The following PGBD2 variants were observed in gnomAD, a reference collection of about 807,000 sequenced individuals.
The protein encoded by PGBD2 is piggyBac transposable element-derived protein 2.
A neutral mutation model predicts 8.1 loss-of-function variants in PGBD2; 6 were observed. The ratio of observed to expected loss-of-function variants is 0.74; its 90% CI spans 0.40 to 1.46. The LOEUF is 1.46. PGBD2 is among the 40% of genes most tolerant of loss of function. The pLI, the probability that PGBD2 is intolerant of heterozygous loss-of-function variation, is 0.02. For missense variants in PGBD2, 802 were observed against 739.0 expected, an observed-to-expected ratio of 1.09 and a Z score of -0.99; for synonymous variants, 318 against 272.2, an observed-to-expected ratio of 1.17 and a Z score of -1.66.
chr1:248,914,644 A>G, intron 2 of PGBD2: 2 of 1,256,886 alleles, frequency 1.6e-6, no homozygotes, highest in Non-Finnish European at 2.1e-6. Context: ...GGGCCTGCAA[A>G]GGGGCACAGG....
the PGBD2 span, among the ~76,000 whole-genome samples, chr1:248,874,748 C>G: frequency 1.3e-5 from 2 of 152,106 alleles, no homozygotes; most frequent in South Asian, 2.1e-4. Context: ...CTCCCTCACC[C>G]CAGCATCTAT....
intron 1 of PGBD2, among the ~76,000 whole-genome samples, chr1:248,909,952 T>A (rs1025968977): frequency 6.6e-6 from 1 of 152,188 alleles, no homozygotes; most frequent in Non-Finnish European, 1.5e-5. Context: ...AAGTTCTTGG[T>A]AGGCTGTGAA....
At chr1:248,880,595 T>C in the PGBD2 span, among the ~76,000 whole-genome samples, 2 of 152,250 alleles carry the variant, frequency 1.3e-5, no homozygotes, top group Non-Finnish European at 2.9e-5. Context: ...TAATGTAGTC[T>C]TTGAGTGTTT....
intron 2 of PGBD2, among the ~76,000 whole-genome samples, chr1:248,914,149 C>T (rs1352334755): frequency 6.6e-6 from 1 of 152,180 alleles, no homozygotes; most frequent in African/African-American, 2.4e-5. Flanking sequence ...AAGATAAAGA[C>T]ACCAGATGGT....
chr1:248,874,976 G>C, the PGBD2 span, among the ~76,000 whole-genome samples: 1 of 149,008 alleles, frequency 6.7e-6, no homozygotes, highest in Non-Finnish European at 1.5e-5. Flanking sequence ...ATAGAGATAG[G>C]TATACCTTCC....
chr1:248,906,761 G>A (rs1661655111), intron 1 of PGBD2, among the ~76,000 whole-genome samples: 1 of 152,060 alleles, frequency 6.6e-6, no homozygotes, highest in Non-Finnish European at 1.5e-5. Context: ...CTGTGCCGGG[G>A]CGCGCTGGGG....
At chr1:248,902,952 G>A (rs1040188221), upstream of PGBD2, among the ~76,000 whole-genome samples, 3 of 150,188 alleles carry the variant, frequency 2.0e-5, no homozygotes, top group Non-Finnish European at 4.4e-5. Flanking sequence ...AGCAAAATCA[G>A]CATGGCACAT....
chr1:248,896,237 C>T, the PGBD2 span, among the ~76,000 whole-genome samples: 7 of 152,040 alleles, frequency 4.6e-5, no homozygotes, highest in Non-Finnish European at 1.0e-4. Context: ...GGTTCTCAGG[C>T]CGTTGACTCA....
chr1:248,923,360 T>G (rs923942998), downstream of PGBD2, among the ~76,000 whole-genome samples: 19 of 152,220 alleles, frequency 1.2e-4, no homozygotes, highest in African/African-American at 3.9e-4. Flanking sequence ...TCTTCTTTAT[T>G]AGTCTGGCTA....
intron 1 of PGBD2, among the ~76,000 whole-genome samples, chr1:248,908,523 C>T (rs1044019500): frequency 5.3e-5 from 8 of 152,174 alleles, no homozygotes; most frequent in African/African-American, 1.9e-4. Flanking sequence ...TTTAAGTCCT[C>T]CTTAAGTGTG....
chr1:248,875,015 T>A, the PGBD2 span, among the ~76,000 whole-genome samples: 1 of 152,004 alleles, frequency 6.6e-6, no homozygotes, highest in African/African-American at 2.4e-5. Flanking sequence ...GAGATCTGTA[T>A]GGCCTGGCGC....
intron 2 of PGBD2, among the ~76,000 whole-genome samples, chr1:248,914,128 C>T (rs1387656008): frequency 6.6e-6 from 1 of 152,192 alleles, no homozygotes; most frequent in Non-Finnish European, 1.5e-5. Flanking sequence ...ACTTCACTTT[C>T]CTCATCTTTC....
the PGBD2 span, among the ~76,000 whole-genome samples, chr1:248,886,229 C>T: frequency 2.6e-5 from 4 of 151,334 alleles, no homozygotes; most frequent in African/African-American, 9.7e-5. Flanking sequence ...ACCATAAAGA[C>T]AAAAAAATAA....
At chr1:248,889,279 G>T in the PGBD2 span, among the ~76,000 whole-genome samples, 2 of 152,236 alleles carry the variant, frequency 1.3e-5, no homozygotes, top group South Asian at 2.1e-4. Context: ...TAGCTACTCA[G>T]GAGGCTGAGG....
At chr1:248,876,617 G>A in the PGBD2 span, among the ~76,000 whole-genome samples, 1 of 152,210 alleles carries the variant, frequency 6.6e-6, no homozygotes, top group African/African-American at 2.4e-5. Context: ...AGCTGACCAT[G>A]TAACCTTATT....
At chr1:248,890,847 A>G in the PGBD2 span, among the ~76,000 whole-genome samples, 3 of 149,612 alleles carry the variant, frequency 2.0e-5, no homozygotes, top group Non-Finnish European at 4.5e-5. Flanking sequence ...CACACACCAC[A>G]CACCTCCCCA....
the PGBD2 span, among the ~76,000 whole-genome samples, chr1:248,874,237 G>T: frequency 6.6e-6 from 1 of 152,054 alleles, no homozygotes; most frequent in Non-Finnish European, 1.5e-5. Flanking sequence ...GCTAAATGAC[G>T]CATCATGTCT....
intron 1 of PGBD2, among the ~76,000 whole-genome samples, chr1:248,907,659 G>A (rs1009599701): frequency 1.3e-5 from 2 of 152,176 alleles, no homozygotes; most frequent in Non-Finnish European, 2.9e-5. Flanking sequence ...CTTTTACCAA[G>A]CATACTGCTT....
the PGBD2 span, among the ~76,000 whole-genome samples, chr1:248,890,182 C>G: frequency 6.6e-6 from 1 of 152,224 alleles, no homozygotes; most frequent in Admixed American, 6.5e-5. Flanking sequence ...CTGACTCAGC[C>G]TCCCACAGTG....
Sources: gnomAD v4.1 joint callset for allele counts (sites outside exome capture counted in the v4.1 genomes callset) on GRCh38, gnomAD v4.1.1 for gene constraint, MANE v1.5 for transcripts, NCBI Gene and HGNC (gene_info 2026-07-23, HGNC 2026-07-21) for gene names.